The following DTD1 variants were observed in gnomAD, a reference collection of about 807,000 sequenced individuals.
The protein encoded by DTD1 is D-tyrosyl-tRNA deacylase 1 homolog.
Under a neutral mutation model 25.6 loss-of-function variants are expected in DTD1, and 13 were observed. The ratio of observed to expected loss-of-function variants is 0.51; its 90% CI spans 0.33 to 0.81. The LOEUF (loss-of-function observed/expected upper bound fraction) is 0.81, where lower values mean the gene tolerates loss of function less well. Ranked by LOEUF, DTD1 falls within the 30% of genes least tolerant of loss-of-function variation. The pLI is 0.02. For synonymous variants in DTD1, 110 were observed against 103.6 expected (o/e 1.06, Z -0.37); for missense variants, 193 against 266.4 (o/e 0.72, Z 1.92).
chr20:18,659,383 C>G (rs1211198651), intron 4 of DTD1, among the ~76,000 whole-genome samples: 1 of 152,150 alleles, frequency 6.6e-6, no homozygotes, highest in Non-Finnish European at 1.5e-5. Flanking sequence ...TCCTCCCTCC[C>G]TTTATGAACA....
intron 4 of DTD1, among the ~76,000 whole-genome samples, chr20:18,668,112 C>G (rs1307811117): frequency 1.3e-5 from 2 of 152,132 alleles, no homozygotes; most frequent in African/African-American, 4.8e-5. Flanking sequence ...GTATTTGGTT[C>G]TTGCAGTACT....
intron 4 of DTD1, among the ~76,000 whole-genome samples, chr20:18,737,213 GTT>G (rs2061259205): frequency 2.0e-5 from 3 of 152,304 alleles, no homozygotes; most frequent in Admixed American, 6.5e-5. Flanking sequence ...ATCTCTGTGT[GTT>G]GCTTTCTGCT....
chr20:18,625,904 C>T (rs1051504469), intron 3 of DTD1, among the ~76,000 whole-genome samples: 18 of 152,214 alleles, frequency 1.2e-4, no homozygotes, highest in African/African-American at 4.3e-4. Flanking sequence ...ATACTGGTCC[C>T]CAAAGGTTGG....
intron 5 of DTD1, among the ~76,000 whole-genome samples, chr20:18,746,540 A>AG (rs568419277): frequency 3.0e-4 from 46 of 152,092 alleles, no homozygotes; most frequent in Middle Eastern, 3.4e-3. Flanking sequence ...CTCTTAAAAA[A>AG]AAAAATTAGC....
At chr20:18,668,250 C>T (rs1046001980) in intron 4 of DTD1, among the ~76,000 whole-genome samples, 5 of 152,120 alleles carry the variant, frequency 3.3e-5, no homozygotes, top group African/African-American at 7.2e-5. Context: ...TGGGCTAGTA[C>T]GATAGCATGA....
intron 4 of DTD1, among the ~76,000 whole-genome samples, chr20:18,727,797 G>C (rs540198788): frequency 1.3e-5 from 2 of 152,224 alleles, no homozygotes; most frequent in South Asian, 4.2e-4. Context: ...AGCATCATCG[G>C]TGTTTGTCCA....
chr20:18,618,333 G>T (rs1298528240), intron 3 of DTD1, among the ~76,000 whole-genome samples: 1 of 151,598 alleles, frequency 6.6e-6, no homozygotes, highest in African/African-American at 2.4e-5. Context: ...TATGTGCTTT[G>T]TCCTTTTTTT....
chr20:18,743,003 T>A (rs1039881549), intron 4 of DTD1, among the ~76,000 whole-genome samples: 2 of 152,248 alleles, frequency 1.3e-5, no homozygotes, highest in Non-Finnish European at 2.9e-5. Flanking sequence ...TTTTTTGGTC[T>A]AAGAAAATTC....
At chr20:18,761,328 G>T (rs531817124) in intron 5 of DTD1, among the ~76,000 whole-genome samples, 24 of 152,256 alleles carry the variant, frequency 1.6e-4, no homozygotes, top group Admixed American at 5.2e-4. Context: ...ACTGGGAGGT[G>T]TAGACTGGAG....
rs115880144 is a variant in DTD1, at chr20:18,649,286, C to T, written c.477+21053C>T. ...TGGCTAACACAAGACAAGACTCGAGCGAGAAAGACTCTGATGGGCTTTCTC... is the reference window on the plus strand; with the variant it reads ...TGGCTAACACAAGACAAGACTCGAGTGAGAAAGACTCTGATGGGCTTTCTC... On this transcript the variant is annotated intron_variant, in intron 4 of 5. Coordinates refer to ENST00000377452, the MANE Select transcript of DTD1 (RefSeq NM_080820.6). Among the ~76,000 whole-genome samples the T allele has an allele frequency of 5.0e-3, 689 of 138,172 alleles. 8 individuals are homozygous for T. Among genetic ancestry groups the T allele is most frequent in the African/African-American group, 0.018 (669 of 36,904 alleles). The allele number at this position is 138,172 out of a possible 152,430, so 90.6% of individuals were successfully genotyped here.
At chr20:18,679,218 G>A (rs974756758) in intron 4 of DTD1, among the ~76,000 whole-genome samples, 6 of 152,264 alleles carry the variant, frequency 3.9e-5, no homozygotes, top group African/African-American at 7.2e-5. Context: ...CCTGACAACC[G>A]TTGCTATGGG....
chr20:18,614,087 G>A (rs780180852), intron 3 of DTD1, among the ~76,000 whole-genome samples: 1 of 152,176 alleles, frequency 6.6e-6, no homozygotes, highest in Admixed American at 6.5e-5. Flanking sequence ...ATACAGGTGT[G>A]AGCCACTGCA....
intron 2 of DTD1, 48 bp downstream of exon 2, chr20:18,593,869 G>A: frequency 6.8e-7 from 1 of 1,475,356 alleles, no homozygotes; most frequent in Non-Finnish European, 9.4e-7. Context: ...ATGTGGTGGT[G>A]GTCATGCTGG....
chr20:18,748,264 A>G (rs367865351), intron 5 of DTD1, among the ~76,000 whole-genome samples: 1 of 151,940 alleles, frequency 6.6e-6, no homozygotes, highest in Non-Finnish European at 1.5e-5. Flanking sequence ...TTCAAATACC[A>G]CCTAGCTGAT....
intron 4 of DTD1, among the ~76,000 whole-genome samples, chr20:18,733,735 A>G (rs563677193): frequency 1.3e-5 from 2 of 152,370 alleles, no homozygotes; most frequent in Admixed American, 6.5e-5. Flanking sequence ...ATTAGCTTGC[A>G]TGATTTCAGA....
intron 4 of DTD1, among the ~76,000 whole-genome samples, chr20:18,693,316 T>G (rs1244850917): frequency 6.6e-6 from 1 of 152,196 alleles, no homozygotes; most frequent in Non-Finnish European, 1.5e-5. Context: ...GAGAAGTTAG[T>G]CAGTGAATAA....
chr20:18,590,618 G>A (rs1438287611), intron 1 of DTD1, among the ~76,000 whole-genome samples: 7 of 151,998 alleles, frequency 4.6e-5, no homozygotes, highest in Non-Finnish European at 5.9e-5. Context: ...TTACAGGTGC[G>A]CGCCACTGTG....
chr20:18,699,989 C>T (rs1311809549), intron 4 of DTD1, among the ~76,000 whole-genome samples: 3 of 152,128 alleles, frequency 2.0e-5, no homozygotes, highest in Non-Finnish European at 4.4e-5. Context: ...ATCTGCAGGC[C>T]TTATTTGAAT....
At chr20:18,617,458 T>C (rs1260127176) in intron 3 of DTD1, among the ~76,000 whole-genome samples, 1 of 151,846 alleles carries the variant, frequency 6.6e-6, no homozygotes, top group Non-Finnish European at 1.5e-5. Flanking sequence ...TTCTAGTTCA[T>C]TGTTCTATGT....
Sources: gnomAD v4.1 joint callset for allele counts (sites outside exome capture counted in the v4.1 genomes callset) on GRCh38, gnomAD v4.1.1 for gene constraint, MANE v1.5 for transcripts, NCBI Gene and HGNC (gene_info 2026-07-23, HGNC 2026-07-21) for gene names.